Variants in DACH1 observed in about 807,000 individuals in gnomAD.
DACH1 encodes the protein dachshund homolog 1.
DACH1 carries 12 observed loss-of-function variants against 54.2 expected under a neutral mutation model. The ratio of observed to expected loss-of-function variants is 0.22; its 90% CI spans 0.14 to 0.36. DACH1 has a LOEUF of 0.36. DACH1 is among the 10% of genes least tolerant of loss of function. The probability of loss-of-function intolerance (pLI) is 1.00; values close to 1 mark genes in which losing one functional copy is unlikely to be tolerated. For synonymous variants in DACH1, 386 were observed against 366.2 expected (o/e 1.05, Z -0.62); for missense variants, 805 against 929.8 (o/e 0.87, Z 1.75).
At chr13:71,664,933 T>C (rs1482657682) in intron 2 of DACH1, among the ~76,000 whole-genome samples, 4 of 152,054 alleles carry the variant, frequency 2.6e-5, no homozygotes, top group Non-Finnish European at 4.4e-5. Context: ...TGGATGCCAA[T>C]TGTGACATTG....
intron 3 of DACH1, among the ~76,000 whole-genome samples, chr13:71,573,774 T>TA (rs796356010): frequency 6.6e-6 from 1 of 152,042 alleles, no homozygotes; most frequent in East Asian, 1.9e-4. Context: ...ATCTCAAAAT[T>TA]AAAAAAATAT....
intron 6 of DACH1, among the ~76,000 whole-genome samples, chr13:71,503,229 G>T (rs576597272): frequency 6.6e-6 from 1 of 152,156 alleles, no homozygotes; most frequent in Admixed American, 6.5e-5. Flanking sequence ...TTCTTTACAG[G>T]TTTATTTCTG....
intron 4 of DACH1, among the ~76,000 whole-genome samples, chr13:71,560,646 T>C (rs1024515418): frequency 6.6e-6 from 1 of 152,178 alleles, no homozygotes; most frequent in African/African-American, 2.4e-5. Context: ...TGATACTCTA[T>C]TTTATGTCAA....
At chr13:71,593,569 G>A (rs1873881902) in intron 3 of DACH1, among the ~76,000 whole-genome samples, 1 of 151,966 alleles carries the variant, frequency 6.6e-6, no homozygotes, top group South Asian at 2.1e-4. Context: ...AAGCAAGCAT[G>A]AAAATTTAAT....
At chr13:71,463,608 G>GACTT (rs563366959) in intron 10 of DACH1, among the ~76,000 whole-genome samples, 24 of 151,952 alleles carry the variant, frequency 1.6e-4, no homozygotes, top group Non-Finnish European at 3.2e-4. Context: ...GAGTCCAAGT[G>GACTT]ACTTACATCT....
At chr13:71,803,538 T>C (rs1325684223) in intron 1 of DACH1, among the ~76,000 whole-genome samples, 1 of 152,172 alleles carries the variant, frequency 6.6e-6, no homozygotes, top group African/African-American at 2.4e-5. Context: ...CAATTGTAAC[T>C]ACTACATATA....
At chr13:71,786,362 G>A (rs1886591234) in intron 1 of DACH1, among the ~76,000 whole-genome samples, 1 of 152,118 alleles carries the variant, frequency 6.6e-6, no homozygotes, top group Non-Finnish European at 1.5e-5. Context: ...CCATCAGGAT[G>A]GAAAACATAG....
chr13:71,545,339 C>T (rs1883391569), intron 6 of DACH1, among the ~76,000 whole-genome samples: 1 of 151,860 alleles, frequency 6.6e-6, no homozygotes, highest in African/African-American at 2.4e-5. Context: ...TAATAGATTA[C>T]TTGTGTTATT....
chr13:71,853,649 A>G (rs1472430365), intron 1 of DACH1, among the ~76,000 whole-genome samples: 1 of 152,214 alleles, frequency 6.6e-6, no homozygotes, highest in Non-Finnish European at 1.5e-5. Flanking sequence ...GATTTTTAAA[A>G]AAGAGATTCT....
At chr13:71,673,167 G>A (rs762978169) in intron 2 of DACH1, among the ~76,000 whole-genome samples, 1 of 152,100 alleles carries the variant, frequency 6.6e-6, no homozygotes, top group Non-Finnish European at 1.5e-5. Context: ...TCTAAATTAA[G>A]TAGATGAGAG....
At chr13:71,801,271 G>C (rs763215448) in intron 1 of DACH1, among the ~76,000 whole-genome samples, 2 of 152,068 alleles carry the variant, frequency 1.3e-5, no homozygotes, top group Non-Finnish European at 2.9e-5. Context: ...AAGCTCTCAG[G>C]ATCTCTGTTT....
intron 1 of DACH1, among the ~76,000 whole-genome samples, chr13:71,834,684 T>C (rs1888715563): frequency 6.8e-6 from 1 of 147,468 alleles, no homozygotes; most frequent in South Asian, 2.1e-4. Flanking sequence ...CACCTTAACA[T>C]TTAAGTGGCA....
intron 1 of DACH1, among the ~76,000 whole-genome samples, chr13:71,823,742 A>G (rs1888280936): frequency 1.3e-5 from 2 of 152,058 alleles, no homozygotes; most frequent in African/African-American, 4.8e-5. Flanking sequence ...AATTATTTCA[A>G]TGACAACCTC....
intron 1 of DACH1, among the ~76,000 whole-genome samples, chr13:71,731,708 T>C (rs1043773295): frequency 6.6e-6 from 1 of 152,172 alleles, no homozygotes; most frequent in Non-Finnish European, 1.5e-5. Flanking sequence ...GGTTAAAATA[T>C]TGTGAAGTTT....
chr13:71,454,926 GT>G (rs1161344848), intron 10 of DACH1, among the ~76,000 whole-genome samples: 1 of 152,218 alleles, frequency 6.6e-6, no homozygotes, highest in African/African-American at 2.4e-5. Context: ...TAGAAAAGAT[GT>G]TCTGGTCAAT....
Position 71,855,835 on chromosome 13 carries a change from G to T in DACH1, c.848+10087C>A, listed in dbSNP as rs113146558. 5.9e-5 allele frequency among the ~76,000 whole-genome samples: 9 copies of T among 151,910 alleles called. No individual in the cohort carries two copies. In the East Asian group the frequency reaches 9.7e-4, roughly 16 times the overall value. ...TTTGGAAATGTTATTACAAGGAAAA[G>T]GTCCTAAAAAAGTTTCTTCTCCTAC... is the stretch of plus-strand genomic sequence containing the variant. On this transcript the variant is annotated intron_variant, in intron 1 of 10. Transcript: ENST00000613252.
intron 3 of DACH1, among the ~76,000 whole-genome samples, chr13:71,583,788 C>G (rs187821267): frequency 2.0e-5 from 3 of 152,090 alleles, no homozygotes; most frequent in Non-Finnish European, 4.4e-5. Flanking sequence ...TGAGCCATGA[C>G]CATGCCGCTG....
At chr13:71,630,978 A>G (rs1262676223) in intron 2 of DACH1, among the ~76,000 whole-genome samples, 2 of 152,206 alleles carry the variant, frequency 1.3e-5, no homozygotes, top group Non-Finnish European at 2.9e-5. Flanking sequence ...ATGCAGCGAC[A>G]GTTATCTCTT....
intron 6 of DACH1, among the ~76,000 whole-genome samples, chr13:71,490,223 A>C (rs1878870252): frequency 6.6e-6 from 1 of 152,182 alleles, no homozygotes; most frequent in Non-Finnish European, 1.5e-5. Flanking sequence ...TATGCTTATA[A>C]TTTGATTCCA....
Sources: gnomAD v4.1 joint callset for allele counts (sites outside exome capture counted in the v4.1 genomes callset) on GRCh38, gnomAD v4.1.1 for gene constraint, MANE v1.5 for transcripts, NCBI Gene and HGNC (gene_info 2026-07-23, HGNC 2026-07-21) for gene names.